The following IPO7 variants were observed in gnomAD, a reference collection of about 807,000 sequenced individuals.
IPO7 encodes the protein importin-7.
IPO7 carries 13 observed loss-of-function variants against 136.4 expected under a neutral mutation model. The ratio of observed to expected loss-of-function variants is 0.10; its 90% CI spans 0.06 to 0.15. The LOEUF (loss-of-function observed/expected upper bound fraction) is 0.15, where lower values mean the gene tolerates loss of function less well. Ranked by LOEUF, IPO7 falls within the 10% of genes least tolerant of loss-of-function variation. The probability of loss-of-function intolerance (pLI) is 1.00; values close to 1 mark genes in which losing one functional copy is unlikely to be tolerated. For synonymous variants in IPO7, 403 were observed against 404.4 expected (o/e 1.00, Z 0.04); for missense variants, 857 against 1,240.6 (o/e 0.69, Z 4.65).
At chr11:9,434,072 C>T (rs1341508062) in intron 18 of IPO7, among the ~76,000 whole-genome samples, 6 of 151,708 alleles carry the variant, frequency 4.0e-5, no homozygotes, top group East Asian at 1.9e-4. Flanking sequence ...TACAGGCATG[C>T]GCCACCATGC....
chr11:9,420,589 A>G (rs1855112936), intron 7 of IPO7, 25 bp from the exon 8 acceptor site: 3 of 1,586,110 alleles, frequency 1.9e-6, no homozygotes, highest in Non-Finnish European at 2.6e-6. Flanking sequence ...ATAAAGAAAC[A>G]ATGGGCATTT....
chr11:9,433,923 CTTTTTTT>C (rs35376155), intron 18 of IPO7, 77 bp downstream of exon 18: 2 of 1,042,110 alleles, frequency 1.9e-6, no homozygotes, highest in African/African-American at 1.8e-5. Context: ...TGAACATACA[CTTTTTTT>C]TTTTTTTTTT....
chr11:9,421,885 G>A (rs1307384152), intron 8 of IPO7, among the ~76,000 whole-genome samples: 3 of 150,964 alleles, frequency 2.0e-5, no homozygotes, highest in South Asian at 2.1e-4. Flanking sequence ...TGCAGCTTGC[G>A]GTGCGCAGAG....
chr11:9,384,733 G>A lies in IPO7; in HGVS notation c.-31G>A, dbSNP rs769629889. On this transcript the variant is annotated 5_prime_UTR_variant, in exon 1 of 25. Transcript: ENST00000379719. ...CGCTATTCCTGGCCCAGTAGCACCC[G>A]AGCCCCGGGTTTGACCGAGTCCGCG... is the stretch of plus-strand genomic sequence containing the variant. 23 of 1,555,648 alleles carry A rather than the reference G, an allele frequency of 1.5e-5. No homozygotes were observed. The East Asian group carries it at 5.3e-4, about 36-fold the overall frequency.
chr11:9,425,215 G>C lies in IPO7; in HGVS notation c.1288G>C (p.Asp430His). 5.0e-6 allele frequency: 8 copies of C among 1,611,858 alleles called. No homozygotes were observed. The highest frequency in any genetic ancestry group is 6.8e-6 in the Non-Finnish European group (8 of 1,178,738). ...TEPNADPRKKDGALHMIGSLA... is the reference protein window; with the variant it reads ...TEPNADPRKKHGALHMIGSLA... ...ACCAAATGCTGACCCTCGAAAAAAA[G>C]ATGGAGCCCTGCATATGATTGGCTC... The change falls in exon 12 of 25, where the codon GAT (aspartate) becomes CAT (histidine). Residue 430 changes from aspartate to histidine, a missense_variant. Physicochemically the swap from Asp to His is moderately conservative, Grantham distance 81 (BLOSUM62 -1). Around this residue, in one of 11 missense-constraint regions of IPO7, gnomAD observed 127 missense variants for 222.4 expected, o/e 0.57. Coordinates refer to ENST00000379719, the MANE Select transcript of IPO7 (RefSeq NM_006391.3).
intron 1 of IPO7, among the ~76,000 whole-genome samples, chr11:9,395,773 A>G (rs1050740502): frequency 6.6e-6 from 1 of 150,530 alleles, no homozygotes; most frequent in Non-Finnish European, 1.5e-5. Context: ...CTGAAGTGCA[A>G]TGGCGCAATC....
In IPO7 at chr11:9,384,657, C is replaced by G. The variant is rs975610223; in HGVS notation, c.-107C>G. 4.1e-5 allele frequency: 38 copies of G among 930,414 alleles called. No individual in the cohort carries two copies. Among genetic ancestry groups the G allele is most frequent in the Non-Finnish European group, 5.8e-5 (36 of 620,584 alleles). 57.6% of individuals were successfully genotyped at this position (930,414 alleles called of 1,614,324 possible). A position where few individuals can be genotyped will look rare whatever the true frequency, so the allele number is the denominator to read the frequency against. On this transcript the variant is annotated 5_prime_UTR_variant, in exon 1 of 25. Coordinates refer to ENST00000379719, the MANE Select transcript of IPO7 (RefSeq NM_006391.3). ...GGGCCTTGGCGCTTCTCTTTCCTTTCGCGCCGGTTGCCGCTGCGGAGCGCG... is the reference window on the plus strand; with the variant it reads ...GGGCCTTGGCGCTTCTCTTTCCTTTGGCGCCGGTTGCCGCTGCGGAGCGCG...
Position 9,417,094 on chromosome 11 carries a change from C to T in IPO7, c.672C>T (p.Asn224=), listed in dbSNP as rs1277291784. ...CACTGGAACTGATAAACCAACAGAA[C>T]CTGACAGAATGGATAGAAATTTTAA... ...TLPLELINQQ[N]LTEWIEILKT... Residue 224 remains asparagine (N), a synonymous_variant, in exon 6 of 25, where the codon AAC becomes AAT. Transcript: ENST00000379719. 3.2e-6 allele frequency: 5 copies of T among 1,567,980 alleles called. No homozygotes were observed. The highest frequency in any genetic ancestry group is 4.4e-6 in the Non-Finnish European group (5 of 1,140,002).
At chr11:9,416,239 T>C (rs1170493021) in intron 5 of IPO7, among the ~76,000 whole-genome samples, 1 of 152,216 alleles carries the variant, frequency 6.6e-6, no homozygotes, top group African/African-American at 2.4e-5. Flanking sequence ...CTCTATTCCT[T>C]GGTTGGATTT....
Position 9,409,955 on chromosome 11 carries a change from C to T in IPO7, c.348C>T (p.His116=). Reference sequence around the variant, plus strand: ...TACAGCTTACTACATGCATTCATCACATCATCAAACATGATTATCCAAGCC... The same window carrying T: ...TACAGCTTACTACATGCATTCATCATATCATCAAACATGATTATCCAAGCC... ...IRVQLTTCIH[H]IIKHDYPSRW... is the part of the protein sequence containing the mutation. The change falls in exon 4 of 25, where the codon CAC becomes CAT. Residue 116 remains histidine, a synonymous_variant. Transcript: ENST00000379719. 6.3e-7 allele frequency: 1 copy of T among 1,578,748 alleles called. No homozygotes were observed. Among genetic ancestry groups the T allele is most frequent in the Non-Finnish European group, 8.6e-7 (1 of 1,164,882 alleles).
chr11:9,399,363 G>T (rs914047970), intron 1 of IPO7, among the ~76,000 whole-genome samples: 1 of 152,042 alleles, frequency 6.6e-6, no homozygotes, highest in Admixed American at 6.6e-5. Context: ...GTTTCTCCAT[G>T]TTGGTCAGGC....
intron 1 of IPO7, among the ~76,000 whole-genome samples, chr11:9,390,194 T>C (rs1854609310): frequency 6.6e-6 from 1 of 152,144 alleles, no homozygotes; most frequent in Non-Finnish European, 1.5e-5. Flanking sequence ...CCCGGCCTAA[T>C]GGTTTTATAT....
intron 1 of IPO7, among the ~76,000 whole-genome samples, chr11:9,399,206 C>G (rs1463635867): frequency 6.6e-6 from 1 of 151,078 alleles, no homozygotes; most frequent in Admixed American, 6.6e-5. Flanking sequence ...TCTTGTTGCC[C>G]AGGCTGGAGT....
At chr11:9,418,677 A>T (rs1336037530) in intron 6 of IPO7, among the ~76,000 whole-genome samples, 1 of 152,178 alleles carries the variant, frequency 6.6e-6, no homozygotes, top group Non-Finnish European at 1.5e-5. Flanking sequence ...GTTCTCATAT[A>T]CATATTGTGC....
At chr11:9,444,290 T>TAA (rs71062851) in intron 24 of IPO7, among the ~76,000 whole-genome samples, 9 of 149,584 alleles carry the variant, frequency 6.0e-5, no homozygotes, top group South Asian at 2.1e-4. Context: ...AAAAAAAAAA[T>TAA]AAACAAAAGT....
chr11:9,410,320 C>A (rs1253503628), intron 4 of IPO7, among the ~76,000 whole-genome samples: 1 of 152,098 alleles, frequency 6.6e-6, no homozygotes, highest in Non-Finnish European at 1.5e-5. Flanking sequence ...CGTCTCTTTA[C>A]CTATTCAAAA....
Position 9,414,263 on chromosome 11 carries a change from A to C in IPO7, c.488A>C (p.Lys163Thr), listed in dbSNP as rs1855008427. 1 of 1,607,446 alleles carries C rather than the reference A, an allele frequency of 6.2e-7. No individual in the cohort carries two copies. Among genetic ancestry groups the C allele is most frequent in the Non-Finnish European group, 8.5e-7 (1 of 1,178,112 alleles). The change falls in exon 5 of 25, where the codon AAA becomes ACA. Residue 163 changes from lysine (K) to threonine (T), a missense_variant. By Grantham distance (78) the Lys-to-Thr change is moderately conservative. This residue lies in a region of IPO7 where 287 missense variants were observed against 307.5 expected (regional missense o/e 0.93). Coordinates refer to ENST00000379719, the MANE Select transcript of IPO7 (RefSeq NM_006391.3). ...TGTATTCCTACTCAAAGGTATAAAAAACCAGAGGAGCGGAGTCCATTGGTA... is the reference window on the plus strand; with the variant it reads ...TGTATTCCTACTCAAAGGTATAAAACACCAGAGGAGCGGAGTCCATTGGTA... ...YQLVKNYEYK[K>T]PEERSPLVAA... is the part of the protein sequence containing the mutation.
intron 23 of IPO7, among the ~76,000 whole-genome samples, chr11:9,441,122 A>G (rs1330344194): frequency 6.6e-6 from 1 of 152,232 alleles, no homozygotes; most frequent in Non-Finnish European, 1.5e-5. Context: ...TGTGTTAACT[A>G]ATTTAATCTA....
In IPO7 at chr11:9,408,657, T is replaced by A. The variant is rs187934871; in HGVS notation, c.320+18T>A. ...CTCATCAGGTATGTATTTTTAAAAT[T>A]TACCCATTTCTGCAGGTGTGTAACT... is the stretch of plus-strand genomic sequence containing the variant. On this transcript the variant is annotated intron_variant, in intron 3 of 24. Coordinates refer to ENST00000379719, the MANE Select transcript of IPO7 (RefSeq NM_006391.3). 2 of 1,525,586 alleles carry A rather than the reference T, an allele frequency of 1.3e-6. No homozygotes were observed. The highest frequency in any genetic ancestry group is 2.3e-5 in the Admixed American group (1 of 44,160). 94.5% of individuals were successfully genotyped at this position (1,525,586 alleles called of 1,614,324 possible).
Sources: gnomAD v4.1 joint callset for allele counts (sites outside exome capture counted in the v4.1 genomes callset) on GRCh38, gnomAD v4.1.1 for gene constraint, gnomAD v4.1.1 regional missense constraint, MANE v1.5 for transcripts, NCBI Gene and HGNC (gene_info 2026-07-23, HGNC 2026-07-21) for gene names.